The following GPM6B variants were observed in gnomAD, a reference collection of about 807,000 sequenced individuals.
GPM6B encodes neuronal membrane glycoprotein M6-b.
Under a neutral mutation model 27.2 loss-of-function variants are expected in GPM6B, and 4 were observed. The ratio of observed to expected loss-of-function variants is 0.15; its 90% CI spans 0.07 to 0.34. GPM6B has a LOEUF of 0.34. Ranked by LOEUF, GPM6B falls within the 10% of genes least tolerant of loss-of-function variation. GPM6B has a pLI of 1.00. For synonymous variants in GPM6B, 124 were observed against 103.1 expected, an observed-to-expected ratio of 1.20 and a Z score of -1.23; for missense variants, 183 against 261.9, an observed-to-expected ratio of 0.70 and a Z score of 2.08.
upstream of GPM6B, chrX:13,817,226 AG>A (rs2147199701): frequency 2.2e-6 from 1 of 458,529 alleles, no homozygotes; most frequent in East Asian, 1.4e-4. Context: ...AGTTGGGGGT[AG>A]GGGGGTGGGG....
intron 1 of GPM6B, among the ~76,000 whole-genome samples, chrX:13,876,205 T>C (rs1014038987): frequency 4.5e-5 from 5 of 111,703 alleles, no homozygotes; most frequent in Non-Finnish European, 9.4e-5. Flanking sequence ...TCATCAAAGA[T>C]CAAGGAGGAC....
intron 1 of GPM6B, among the ~76,000 whole-genome samples, chrX:13,809,915 CAAAAAAAA>C (rs750794950): frequency 0.016 from 781 of 48,300 alleles, 12 homozygotes; most frequent in South Asian, 0.11. Flanking sequence ...CCAGCCTGGG[CAAAAAAAA>C]AAAAAAAAAG....
At chrX:13,870,256 G>A (rs1247337713) in intron 1 of GPM6B, among the ~76,000 whole-genome samples, 5 of 94,898 alleles carry the variant, frequency 5.3e-5, no homozygotes, top group African/African-American at 1.7e-4. Flanking sequence ...TCGAATTTAA[G>A]ACTGATTTTC....
At chrX:13,815,374 A>G (rs1441669701) in intron 1 of GPM6B, among the ~76,000 whole-genome samples, 1 of 111,555 alleles carries the variant, frequency 9.0e-6, no homozygotes, top group African/African-American at 3.3e-5. Context: ...TCTAGTCATC[A>G]TGGAAAAAAC....
intron 1 of GPM6B, among the ~76,000 whole-genome samples, chrX:13,850,931 A>G (rs957558568): frequency 9.0e-6 from 1 of 111,174 alleles, no homozygotes; most frequent in Non-Finnish European, 1.9e-5. Context: ...TGGGAGGCCA[A>G]GGTGGGCAAA....
intron 1 of GPM6B, among the ~76,000 whole-genome samples, chrX:13,822,438 T>G (rs1180849410): frequency 1.8e-5 from 2 of 110,954 alleles, no homozygotes; most frequent in East Asian, 2.8e-4. Context: ...CAATCTCGGC[T>G]CACTGTAACC....
intron 1 of GPM6B, among the ~76,000 whole-genome samples, chrX:13,928,973 G>A (rs1005736608): frequency 2.7e-5 from 3 of 111,783 alleles, no homozygotes; most frequent in African/African-American, 9.7e-5. Context: ...TAAACAAGGG[G>A]GAAATCAGTC....
intron 1 of GPM6B, among the ~76,000 whole-genome samples, chrX:13,828,662 G>C (rs1312701947): frequency 9.0e-6 from 1 of 111,117 alleles, no homozygotes; most frequent in East Asian, 2.8e-4. Flanking sequence ...CAAGGTGCTG[G>C]CTATATGAGG....
chrX:13,900,367 G>A (rs1222292406), intron 1 of GPM6B, among the ~76,000 whole-genome samples: 1 of 111,540 alleles, frequency 9.0e-6, no homozygotes, highest in Non-Finnish European at 1.9e-5. Flanking sequence ...GTTGGCTGTG[G>A]GGTGGGTGTC....
Position 13,772,511 on chromosome X carries a change from C to T in GPM6B, c.*370G>A, listed in dbSNP as rs1032189926. 1 of 137,563 alleles carries T rather than the reference C, an allele frequency of 7.3e-6. No individual in the cohort carries two copies. The highest frequency in any genetic ancestry group is 1.4e-5 in the Non-Finnish European group (1 of 69,831). The allele number at this position is 137,563 out of a possible 1,213,427, so 11.3% of individuals were successfully genotyped here. On this transcript the variant is annotated 3_prime_UTR_variant, in exon 8 of 8. Transcript: ENST00000316715. ...TACGGTCTTATCCCTTGATGCTGGGCATGTCACAGGTCCTTATTAAGGAGT... is the reference window on the plus strand; with the variant it reads ...TACGGTCTTATCCCTTGATGCTGGGTATGTCACAGGTCCTTATTAAGGAGT...
intron 1 of GPM6B, among the ~76,000 whole-genome samples, chrX:13,857,439 G>A (rs980824937): frequency 2.7e-5 from 3 of 112,078 alleles, no homozygotes; most frequent in African/African-American, 9.7e-5. Context: ...CACCTTAACA[G>A]AAAGCAATAA....
Position 13,789,683 on chromosome X carries a change from G to A in GPM6B, c.182-3875C>T, listed in dbSNP as rs767630702. Among the ~76,000 whole-genome samples, 393 of 111,581 alleles carry A rather than the reference G, an allele frequency of 3.5e-3. 1 individual carries two copies. The highest frequency in any genetic ancestry group is 0.012 in the African/African-American group (377 of 30,776). On this transcript the variant is annotated intron_variant, in intron 2 of 7. Coordinates refer to ENST00000316715, the MANE Select transcript of GPM6B (RefSeq NM_001001995.3). ...CCAGCTACTCGGGAGGCTGAGGCAGGAGAATGGCGTGAACCCGGAAGGCGG... is the reference window on the plus strand; with the variant it reads ...CCAGCTACTCGGGAGGCTGAGGCAGAAGAATGGCGTGAACCCGGAAGGCGG...
intron 1 of GPM6B, among the ~76,000 whole-genome samples, chrX:13,850,518 A>G (rs1342704025): frequency 3.5e-5 from 4 of 112,756 alleles, no homozygotes; most frequent in Non-Finnish European, 7.5e-5. Context: ...TACTTTGAAC[A>G]GCATGTTTGT....
At chrX:13,825,794 C>T (rs1603052678) in intron 1 of GPM6B, among the ~76,000 whole-genome samples, 1 of 111,591 alleles carries the variant, frequency 9.0e-6, no homozygotes, top group Non-Finnish European at 1.9e-5. Flanking sequence ...GGAAGAGAGG[C>T]CCAAACATGT....
chrX:13,804,208 C>T (rs757151929), intron 2 of GPM6B, among the ~76,000 whole-genome samples: 3 of 111,648 alleles, frequency 2.7e-5, no homozygotes, highest in South Asian at 3.8e-4. Context: ...GTCCACAGCC[C>T]GCACTTGGAA....
At chrX:13,840,959 ATATT>A (rs2049566434) in intron 1 of GPM6B, among the ~76,000 whole-genome samples, 1 of 112,234 alleles carries the variant, frequency 8.9e-6, no homozygotes, top group East Asian at 2.8e-4. Context: ...AGGATGTAAA[ATATT>A]TAAGTGAAAG....
intron 1 of GPM6B, among the ~76,000 whole-genome samples, chrX:13,924,796 G>A (rs1921088803): frequency 9.0e-6 from 1 of 111,416 alleles, no homozygotes; most frequent in Admixed American, 9.5e-5. Context: ...TGACTCCCAG[G>A]ACTCATGGGC....
chrX:13,931,349 A>G (rs111458002), intron 1 of GPM6B, among the ~76,000 whole-genome samples: 2,925 of 109,502 alleles, frequency 0.027, 90 homozygotes, highest in African/African-American at 0.082. Context: ...TTAGCCGGGC[A>G]TGGTGGTGGG....
At chrX:13,875,831 G>C (rs1395462821) in intron 1 of GPM6B, among the ~76,000 whole-genome samples, 2 of 112,039 alleles carry the variant, frequency 1.8e-5, no homozygotes, top group Non-Finnish European at 3.8e-5. Flanking sequence ...CAAATCCATA[G>C]AGACAGAAAG....
Sources: allele counts gnomAD v4.1 joint callset (sites outside exome capture counted in the v4.1 genomes callset), GRCh38; gene constraint gnomAD v4.1.1; transcripts MANE v1.5; gene names NCBI Gene and HGNC (gene_info 2026-07-23, HGNC 2026-07-21).